CHODL: variants seen among roughly 807,000 people sequenced by gnomAD.
CHODL encodes chondrolectin, also known as transmembrane protein MT75.
CHODL carries 29 observed loss-of-function variants against 34.5 expected under a neutral mutation model. The ratio of observed to expected loss-of-function variants is 0.84; its 90% CI spans 0.63 to 1.15. The LOEUF (loss-of-function observed/expected upper bound fraction) is 1.15, where lower values mean the gene tolerates loss of function less well. Ranked by LOEUF, CHODL falls within the 50% of genes most tolerant of loss-of-function variation. The probability of loss-of-function intolerance (pLI) is 0.00; values close to 1 mark genes in which losing one functional copy is unlikely to be tolerated. For synonymous variants in CHODL, 125 were observed against 116.1 expected, an observed-to-expected ratio of 1.08 and a Z score of -0.49; for missense variants, 332 against 332.5, an observed-to-expected ratio of 1.00 and a Z score of 0.01.
At chr21:17,946,655 G>T (rs2063411830) in intron 1 of CHODL, among the ~76,000 whole-genome samples, 1 of 123,062 alleles carries the variant, frequency 8.1e-6, no homozygotes, top group African/African-American at 3.1e-5. Context: ...TTATCATTAT[G>T]TAATGATCTT....
chr21:18,000,482 T>G (rs918730706), intron 1 of CHODL, among the ~76,000 whole-genome samples: 1 of 152,228 alleles, frequency 6.6e-6, no homozygotes, highest in African/African-American at 2.4e-5. Flanking sequence ...TTGATGACGA[T>G]AAGTTGCTTA....
intron 2 of CHODL, among the ~76,000 whole-genome samples, chr21:18,082,955 G>A (rs1019435798): frequency 6.6e-6 from 1 of 151,750 alleles, no homozygotes; most frequent in Non-Finnish European, 1.5e-5. Flanking sequence ...AGAAATTCAA[G>A]CCACTGGCTG....
At chr21:17,954,501 A>G (rs1317056811) in intron 1 of CHODL, among the ~76,000 whole-genome samples, 2 of 138,208 alleles carry the variant, frequency 1.4e-5, no homozygotes, top group African/African-American at 5.0e-5. Context: ...TGGGCAACCA[A>G]TCTGTTGATG....
chr21:18,207,560 G>A (rs1240195776), intron 2 of CHODL, among the ~76,000 whole-genome samples: 1 of 149,422 alleles, frequency 6.7e-6, no homozygotes, highest in Non-Finnish European at 1.5e-5. Flanking sequence ...GATACCTTCA[G>A]ATAATTTTTT....
At chr21:17,993,978 AT>A (rs1342427208) in intron 1 of CHODL, among the ~76,000 whole-genome samples, 2 of 151,568 alleles carry the variant, frequency 1.3e-5, no homozygotes, top group Non-Finnish European at 3.0e-5. Context: ...TTCTGATTTT[AT>A]TTTTTTGAGT....
chr21:17,995,871 A>G lies in CHODL; in HGVS notation c.-144-32001A>G, dbSNP rs532497672. Among the ~76,000 whole-genome samples the G allele has an allele frequency of 5.7e-4, 87 of 152,142 alleles. 1 individual carries two copies. The highest frequency in any genetic ancestry group is 1.1e-3 in the Non-Finnish European group (76 of 68,020). ...AGTAAAAAGTGTAGCCCCAAATCTC[A>G]TTTACTTTTGCAGACCTCCAGGTGA... On this transcript the variant is annotated intron_variant, in intron 1 of 6. Transcript: ENST00000400127.
intron 2 of CHODL, among the ~76,000 whole-genome samples, chr21:18,166,573 C>A (rs1454605863): frequency 6.6e-6 from 1 of 152,070 alleles, no homozygotes; most frequent in Non-Finnish European, 1.5e-5. Flanking sequence ...TTAAACAATG[C>A]TAATTCGGGG....
At chr21:18,102,119 A>C (rs924124389) in intron 2 of CHODL, among the ~76,000 whole-genome samples, 1 of 152,152 alleles carries the variant, frequency 6.6e-6, no homozygotes, top group Non-Finnish European at 1.5e-5. Context: ...CTTGCATTTT[A>C]TAGCTGCCCA....
chr21:18,094,893 G>A (rs1382150246), intron 2 of CHODL, among the ~76,000 whole-genome samples: 1 of 152,130 alleles, frequency 6.6e-6, no homozygotes, highest in Non-Finnish European at 1.5e-5. Flanking sequence ...AGAGGCTGAA[G>A]CAGGCAGATC....
chr21:18,063,216 C>T (rs189924679), intron 2 of CHODL, among the ~76,000 whole-genome samples: 284 of 152,238 alleles, frequency 1.9e-3, no homozygotes, highest in African/African-American at 6.7e-3. Context: ...AACAAAGGAA[C>T]AGAACCAATG....
intron 1 of CHODL, among the ~76,000 whole-genome samples, chr21:17,969,336 G>A (rs1262172797): frequency 6.6e-6 from 1 of 151,752 alleles, no homozygotes; most frequent in African/African-American, 2.4e-5. Context: ...ACACAAGGAG[G>A]GAATAAATAT....
At chr21:17,924,723 C>G (rs963063882) in intron 1 of CHODL, among the ~76,000 whole-genome samples, 12 of 152,152 alleles carry the variant, frequency 7.9e-5, no homozygotes, top group African/African-American at 2.9e-4. Context: ...ACATAAAAAT[C>G]AATAATACAT....
intron 2 of CHODL, among the ~76,000 whole-genome samples, chr21:18,111,158 A>T (rs2065346231): frequency 6.6e-6 from 1 of 152,192 alleles, no homozygotes; most frequent in Admixed American, 6.5e-5. Flanking sequence ...CAGGACATAC[A>T]TGAGCTCCTG....
At chr21:18,092,700 T>C (rs560333785) in intron 2 of CHODL, among the ~76,000 whole-genome samples, 4 of 152,306 alleles carry the variant, frequency 2.6e-5, no homozygotes, top group African/African-American at 9.6e-5. Context: ...GCATGCCTTT[T>C]AGTAGCAGAA....
chr21:18,228,031 G>A (rs2073946459), intron 2 of CHODL, among the ~76,000 whole-genome samples: 3 of 152,096 alleles, frequency 2.0e-5, no homozygotes, highest in Admixed American at 1.3e-4. Flanking sequence ...CTTTTGACTG[G>A]ATGGGAACCA....
chr21:18,183,632 T>C (rs1006689), intron 2 of CHODL, among the ~76,000 whole-genome samples: 65,717 of 152,122 alleles, frequency 0.43, 19,615 homozygotes, highest in African/African-American at 0.81. Flanking sequence ...AAGAAGGAAG[T>C]AAGGCTTTTC....
At chr21:18,070,020 TTCCCTC>T (rs1260944245) in intron 2 of CHODL, among the ~76,000 whole-genome samples, 1,121 of 58,886 alleles carry the variant, frequency 0.019, 17 homozygotes, top group African/African-American at 0.056. Context: ...TTCCCTTCCC[TTCCCTC>T]CCCCCCCCCA....
chr21:18,211,791 C>T (rs1300725678), intron 2 of CHODL, among the ~76,000 whole-genome samples: 1 of 152,176 alleles, frequency 6.6e-6, no homozygotes, highest in Non-Finnish European at 1.5e-5. Flanking sequence ...TGGAACTTTT[C>T]AATCATTGCA....
chr21:18,169,434 C>A (rs1021961470), intron 2 of CHODL, among the ~76,000 whole-genome samples: 7 of 148,382 alleles, frequency 4.7e-5, no homozygotes, highest in African/African-American at 1.7e-4. Flanking sequence ...TTTTCTTGAT[C>A]TTTTTTTTTT....
Sources: allele counts gnomAD v4.1 joint callset (sites outside exome capture counted in the v4.1 genomes callset), GRCh38; gene constraint gnomAD v4.1.1; transcripts MANE v1.5; gene names NCBI Gene and HGNC (gene_info 2026-07-23, HGNC 2026-07-21).